DMD: variants seen among roughly 807,000 people sequenced by gnomAD.
The protein encoded by DMD is mutant dystrophin.
In DMD, 63 loss-of-function variants were observed where a neutral mutation model predicts 330.1. The ratio of observed to expected loss-of-function variants is 0.19; its 90% CI spans 0.16 to 0.24. The LOEUF (loss-of-function observed/expected upper bound fraction) is 0.24, where lower values mean the gene tolerates loss of function less well. Ranked by LOEUF, DMD falls within the 10% of genes least tolerant of loss-of-function variation. The pLI is 1.00. For missense variants in DMD, 3,344 were observed against 2,684.1 expected (o/e 1.25, Z -5.43); for synonymous variants, 1,223 against 959.8 (o/e 1.27, Z -5.07).
At chrX:32,356,063 T>A (rs1490907668) in intron 37 of DMD, among the ~76,000 whole-genome samples, 1 of 110,759 alleles carries the variant, frequency 9.0e-6, no homozygotes, top group African/African-American at 3.3e-5. Context: ...TAAATCTGAC[T>A]ACAGAAAATT....
intron 7 of DMD, among the ~76,000 whole-genome samples, chrX:32,766,833 C>T (rs1044158230): frequency 1.8e-5 from 2 of 111,390 alleles, no homozygotes; most frequent in African/African-American, 6.5e-5. Context: ...TTTAATTACT[C>T]CACATTGTAT....
chrX:32,531,452 T>C (rs1330927999), intron 17 of DMD, among the ~76,000 whole-genome samples: 4 of 111,907 alleles, frequency 3.6e-5, no homozygotes, highest in African/African-American at 1.3e-4. Context: ...TCACCTAAAG[T>C]TTTTTAAAAT....
chrX:32,338,337 T>C (rs1208383021), intron 41 of DMD, among the ~76,000 whole-genome samples: 1 of 111,295 alleles, frequency 9.0e-6, no homozygotes, highest in East Asian at 2.8e-4. Flanking sequence ...TTTATTCCAT[T>C]TTATTAAATT....
At position 32,980,914 on chromosome X, in the gene DMD, A is replaced by G. The variant is rs907568919; in HGVS notation, c.93+39225T>C. On this transcript the variant is annotated intron_variant, in intron 2 of 78. Transcript: ENST00000357033. Reference sequence around the variant, plus strand: ...GCTAATAATTTGCCTAGTGACATCCATTAGTAAGCATTAAATGGAAGAAGA... The same window carrying G: ...GCTAATAATTTGCCTAGTGACATCCGTTAGTAAGCATTAAATGGAAGAAGA... 6.3e-5 allele frequency among the ~76,000 whole-genome samples: 7 copies of G among 111,671 alleles called. No individual in the cohort carries two copies. The Admixed American group carries it at 6.7e-4, about 11-fold the overall frequency.
chrX:33,166,362 A>C (rs1024969343), intron 1 of DMD, among the ~76,000 whole-genome samples: 1 of 111,678 alleles, frequency 9.0e-6, no homozygotes, highest in Admixed American at 9.6e-5. Context: ...TCTTTAAAAC[A>C]TGGAAGTAAA....
chrX:31,831,854 G>C (rs758187723), intron 49 of DMD, among the ~76,000 whole-genome samples: 3 of 112,234 alleles, frequency 2.7e-5, no homozygotes, highest in Non-Finnish European at 3.8e-5. Flanking sequence ...CGCCCACCTT[G>C]GCCTCCCAAA....
At chrX:32,172,518 A>G (rs1449856211) in intron 44 of DMD, among the ~76,000 whole-genome samples, 1 of 111,731 alleles carries the variant, frequency 9.0e-6, no homozygotes, top group Non-Finnish European at 1.9e-5. Context: ...AGTGAGTCTT[A>G]TTTTGTGTTC....
chrX:33,226,256 A>T (rs945496991), intron 1 of DMD, among the ~76,000 whole-genome samples: 6 of 111,682 alleles, frequency 5.4e-5, no homozygotes, highest in Non-Finnish European at 1.1e-4. Context: ...GCTCATAAAA[A>T]AACTGTACAT....
chrX:33,018,417 G>A (rs187609889), intron 2 of DMD, among the ~76,000 whole-genome samples: 8 of 111,705 alleles, frequency 7.2e-5, no homozygotes, highest in East Asian at 2.8e-4. Flanking sequence ...AAAATATACC[G>A]AATTGCTCTG....
intron 26 of DMD, 140 bp from the exon 27 acceptor site, chrX:32,448,778 G>A (rs1282188859): frequency 1.9e-6 from 1 of 526,729 alleles, no homozygotes; most frequent in Non-Finnish European, 2.9e-6. Flanking sequence ...ATGAACTCCA[G>A]TCTCTTCCAT....
rs150919025 is a variant in DMD, at chrX:32,716,539, G to A, written c.650-17246C>T. ...AATCTCAGGTAGTTTATAGCAATGCGAGAAAGGACTAATACAGAAAATTGG... is the reference window on the plus strand; with the variant it reads ...AATCTCAGGTAGTTTATAGCAATGCAAGAAAGGACTAATACAGAAAATTGG... On this transcript the variant is annotated intron_variant, in intron 7 of 78. Coordinates refer to ENST00000357033, the MANE Select transcript of DMD (RefSeq NM_004006.3). 8.2e-3 allele frequency among the ~76,000 whole-genome samples: 914 copies of A among 111,390 alleles called. 4 individuals carry two copies. Among genetic ancestry groups the A allele is most frequent in the African/African-American group, 0.023 (718 of 30,628 alleles).
intron 44 of DMD, among the ~76,000 whole-genome samples, chrX:31,976,019 T>C (rs1017052513): frequency 1.8e-5 from 2 of 111,016 alleles, no homozygotes; most frequent in Non-Finnish European, 3.8e-5. Flanking sequence ...TACCTCCTAT[T>C]AGCCAGACAC....
chrX:31,412,409 T>G, intron 60 of DMD, among the ~76,000 whole-genome samples: 1 of 111,871 alleles, frequency 8.9e-6, no homozygotes, highest in Non-Finnish European at 1.9e-5. Context: ...TAGCCTCACA[T>G]AGATGTAAAT....
At chrX:33,077,575 C>G (rs2094863639) in intron 1 of DMD, among the ~76,000 whole-genome samples, 1 of 111,649 alleles carries the variant, frequency 9.0e-6, no homozygotes, top group Non-Finnish European at 1.9e-5. Flanking sequence ...TGCTTTGCAA[C>G]TGTTTGAGTG....
chrX:31,814,440 G>A (rs1452630651), intron 50 of DMD, among the ~76,000 whole-genome samples: 9 of 81,240 alleles, frequency 1.1e-4, no homozygotes, highest in African/African-American at 2.4e-4. Context: ...CCGAGATCGC[G>A]CCACTGCACT....
intron 49 of DMD, among the ~76,000 whole-genome samples, chrX:31,827,780 C>T: frequency 9.0e-6 from 1 of 111,631 alleles, no homozygotes; most frequent in Non-Finnish European, 1.9e-5. Flanking sequence ...CAAAACTATA[C>T]AAACACATGG....
intron 44 of DMD, among the ~76,000 whole-genome samples, chrX:32,201,057 A>G (rs1001402743): frequency 3.6e-5 from 4 of 111,978 alleles, no homozygotes; most frequent in Non-Finnish European, 7.5e-5. Context: ...CAAATAGGAT[A>G]CAGTGGTTTA....
At chrX:32,894,586 C>T (rs1459441172) in intron 2 of DMD, among the ~76,000 whole-genome samples, 2 of 112,642 alleles carry the variant, frequency 1.8e-5, no homozygotes, top group African/African-American at 3.2e-5. Flanking sequence ...GGCCTCAATC[C>T]GCTGTATGTA....
intron 1 of DMD, among the ~76,000 whole-genome samples, chrX:33,085,283 G>T (rs1233657027): frequency 9.0e-6 from 1 of 111,200 alleles, no homozygotes; most frequent in Middle Eastern, 4.3e-3. Context: ...TTAAATTAGT[G>T]ATTCAATTTC....
Sources: gnomAD v4.1 joint callset for allele counts (sites outside exome capture counted in the v4.1 genomes callset) on GRCh38, gnomAD v4.1.1 for gene constraint, MANE v1.5 for transcripts, NCBI Gene and HGNC (gene_info 2026-07-23, HGNC 2026-07-21) for gene names.